The following PLA2G2C variants were observed in gnomAD, a reference collection of about 807,000 sequenced individuals.
PLA2G2C encodes the protein putative inactive group IIC secretory phospholipase A2.
A neutral mutation model predicts 14.3 loss-of-function variants in PLA2G2C; 15 were observed. The observed-to-expected ratio is 1.05, with a 90% CI of 0.70 to 1.62. The LOEUF is 1.62. Among genes scored for constraint, PLA2G2C ranks in the 40% most tolerant of loss-of-function variants. The probability of loss-of-function intolerance (pLI) is 0.00; values close to 1 mark genes in which losing one functional copy is unlikely to be tolerated. For missense variants in PLA2G2C, 162 were observed against 173.2 expected (o/e 0.94, Z 0.36); for synonymous variants, 79 against 67.7 (o/e 1.17, Z -0.82).
intron 1 of PLA2G2C, among the ~76,000 whole-genome samples, chr1:20,179,000 CTCTGCTGCAGG>C: frequency 6.6e-6 from 1 of 152,380 alleles, no homozygotes; most frequent in African/African-American, 2.4e-5. Context: ...GAGAACCACT[CTCTGCTGCAGG>C]TACCGCGTGG....
At chr1:20,172,283 GA>G (rs2018096261) in intron 4 of PLA2G2C, among the ~76,000 whole-genome samples, 1 of 152,206 alleles carries the variant, frequency 6.6e-6, no homozygotes, top group Non-Finnish European at 1.5e-5. Flanking sequence ...AAGGGCACTT[GA>G]TCCACTTGCC....
rs79712659 is a variant in PLA2G2C, at chr1:20,169,253, A to T, written c.283+3541T>A. ...GAGTGCAGTGGTGCAATCACAGCTC[A>T]CTGTGGCCTCATCTCCTGGGCTCAG... On this transcript the variant is annotated intron_variant, in intron 4 of 4. Coordinates refer to ENST00000679259, the MANE Select transcript of PLA2G2C (RefSeq NM_001367969.2). 1.2e-3 allele frequency among the ~76,000 whole-genome samples: 188 copies of T among 152,246 alleles called. 6 individuals carry two copies. The East Asian group carries it at 0.031, about 25-fold the overall frequency.
intron 1 of PLA2G2C, among the ~76,000 whole-genome samples, chr1:20,180,006 G>A (rs2018257125): frequency 6.6e-6 from 1 of 151,224 alleles, no homozygotes; most frequent in African/African-American, 2.4e-5. Flanking sequence ...CTCCCTCTAT[G>A]TCAGCTTCTC....
chr1:20,167,867 T>C (rs974500148), intron 4 of PLA2G2C, among the ~76,000 whole-genome samples: 9 of 152,320 alleles, frequency 5.9e-5, no homozygotes, highest in Non-Finnish European at 1.3e-4. Flanking sequence ...CACCCTTCTG[T>C]CTCCTGACCC....
Position 20,163,072 on chromosome 1 carries a change from C to T in PLA2G2C, c.*919G>A, listed in dbSNP as rs931207954. The T allele has an allele frequency of 2.6e-5, 4 of 152,256 alleles. No individual in the cohort carries two copies. Among genetic ancestry groups the T allele is most frequent in the Non-Finnish European group, 5.9e-5 (4 of 68,050 alleles). 9.4% of individuals were successfully genotyped at this position (152,256 alleles called of 1,614,324 possible). A position where few individuals can be genotyped will look rare whatever the true frequency, so the allele number is the denominator to read the frequency against. ...AAACCCAGTGACTTAGAACAGCAGC[C>T]TTTATTTAGCTCACAATTCTGCATG... is the stretch of plus-strand genomic sequence containing the variant. On this transcript the variant is annotated 3_prime_UTR_variant, in exon 5 of 5. Coordinates refer to ENST00000679259, the MANE Select transcript of PLA2G2C (RefSeq NM_001367969.2).
At chr1:20,164,224 G>A (rs1324366472) in intron 4 of PLA2G2C, 67 bp from the exon 5 acceptor site, 1 of 1,495,070 alleles carries the variant, frequency 6.7e-7, no homozygotes, top group African/African-American at 1.4e-5. Flanking sequence ...TAAGGCTGGG[G>A]AGAACTGGGA....
intron 1 of PLA2G2C, among the ~76,000 whole-genome samples, chr1:20,185,325 C>T (rs2018350983): frequency 6.6e-6 from 1 of 152,074 alleles, no homozygotes; most frequent in Non-Finnish European, 1.5e-5. Flanking sequence ...CAGGTTTCAT[C>T]AGATGGAAGG....
At chr1:20,165,563 T>G (rs1425989986) in intron 4 of PLA2G2C, among the ~76,000 whole-genome samples, 1 of 152,204 alleles carries the variant, frequency 6.6e-6, no homozygotes, top group Non-Finnish European at 1.5e-5. Context: ...GAATGAAGCC[T>G]CTATGGGCCT....
chr1:20,172,344 C>CG (rs1421966935), intron 4 of PLA2G2C, among the ~76,000 whole-genome samples: 1 of 152,074 alleles, frequency 6.6e-6, no homozygotes, highest in African/African-American at 2.4e-5. Flanking sequence ...CCCTTCCCTT[C>CG]CCACCTATTT....
intron 4 of PLA2G2C, among the ~76,000 whole-genome samples, chr1:20,165,137 C>T (rs905914815): frequency 6.6e-6 from 1 of 152,224 alleles, no homozygotes; most frequent in African/African-American, 2.4e-5. Context: ...AGCCTCCCTG[C>T]TCTGGGCACA....
Position 20,172,859 on chromosome 1 carries a change from T to C in PLA2G2C, c.218A>G (p.Lys73Arg), listed in dbSNP as rs1281594686. 1.2e-6 allele frequency: 2 copies of C among 1,613,882 alleles called. No individual in the cohort carries two copies. The highest frequency in any genetic ancestry group is 4.5e-5 in the East Asian group (2 of 44,862). Residue 73 changes from lysine to arginine, a missense_variant, in exon 4 of 5, where the codon AAG (lysine) becomes AGG (arginine). Lys to Arg is a conservative substitution (Grantham distance 26). Coordinates refer to ENST00000679259, the MANE Select transcript of PLA2G2C (RefSeq NM_001367969.2). ...PSSPSPYEKL[K>R]EFSCQPVLNS... is the part of the protein sequence containing the mutation. ...CAACACAGGCTGGCAGCTGAACTCC[T>C]TCAGCTTCTCGTAGGGAGAGGGAGA...
chr1:20,165,724 GTATGCTTGT>G (rs2017965273), intron 4 of PLA2G2C, among the ~76,000 whole-genome samples: 3 of 112,762 alleles, frequency 2.7e-5, no homozygotes, highest in Non-Finnish European at 5.8e-5. Flanking sequence ...GTGTGCATGT[GTATGCTTGT>G]GTGTGCAGGT....
chr1:20,179,816 G>A (rs1159674889), intron 1 of PLA2G2C, among the ~76,000 whole-genome samples: 1 of 150,610 alleles, frequency 6.6e-6, no homozygotes, highest in Non-Finnish European at 1.5e-5. Flanking sequence ...GCTTCTCTGT[G>A]TGTGTGTTAG....
intron 4 of PLA2G2C, 41 bp from the exon 5 acceptor site, chr1:20,164,198 C>T: frequency 6.3e-7 from 1 of 1,583,786 alleles, no homozygotes; most frequent in Non-Finnish European, 8.6e-7. Context: ...CCCAGCCCAG[C>T]CCCAGGGTTT....
intron 1 of PLA2G2C, among the ~76,000 whole-genome samples, chr1:20,180,329 T>G (rs2018262166): frequency 6.6e-6 from 1 of 152,200 alleles, no homozygotes; most frequent in Non-Finnish European, 1.5e-5. Context: ...AGCAGTGAAC[T>G]CTCTTGGGAA....
chr1:20,166,359 C>T (rs72663004), intron 4 of PLA2G2C, among the ~76,000 whole-genome samples: 11,145 of 152,172 alleles, frequency 0.073, 515 homozygotes, highest in South Asian at 0.1. Flanking sequence ...TCTGGCTCTC[C>T]GGTTTTGCGG....
intron 1 of PLA2G2C, among the ~76,000 whole-genome samples, 196 bp from the exon 2 acceptor site, chr1:20,177,635 C>A (rs1477364038): frequency 6.6e-6 from 1 of 151,724 alleles, no homozygotes; most frequent in Admixed American, 6.6e-5. Context: ...TTTGAAAGTG[C>A]AAATGTTGGT....
intron 1 of PLA2G2C, among the ~76,000 whole-genome samples, chr1:20,182,872 C>T (rs368271129): frequency 2.6e-5 from 4 of 152,228 alleles, no homozygotes; most frequent in Admixed American, 6.5e-5. Context: ...CCGGGGCCCC[C>T]GCCTTCAGCA....
intron 1 of PLA2G2C, among the ~76,000 whole-genome samples, chr1:20,181,662 T>G (rs556037332): frequency 1.3e-5 from 2 of 152,028 alleles, no homozygotes; most frequent in East Asian, 3.9e-4. Flanking sequence ...CAGCTTCATT[T>G]CTCAGGCCCA....
Sources: gnomAD v4.1 joint callset for allele counts (sites outside exome capture counted in the v4.1 genomes callset) on GRCh38, gnomAD v4.1.1 for gene constraint, MANE v1.5 for transcripts, NCBI Gene and HGNC (gene_info 2026-07-23, HGNC 2026-07-21) for gene names.